TWSG1: variants seen among roughly 807,000 people sequenced by gnomAD.
TWSG1 encodes twisted gastrulation protein homolog 1.
TWSG1 carries 15 observed loss-of-function variants against 23.0 expected under a neutral mutation model. The observed-to-expected ratio is 0.65, with a 90% confidence interval of 0.44 to 1.00. The LOEUF is 1.00. Among genes scored for constraint, TWSG1 ranks in the 50% least tolerant of loss-of-function variants. The probability of loss-of-function intolerance (pLI) is 0.00; values close to 1 mark genes in which losing one functional copy is unlikely to be tolerated. For missense variants in TWSG1, 242 were observed against 278.7 expected, an observed-to-expected ratio of 0.87 and a Z score of 0.94; for synonymous variants, 86 against 92.8, an observed-to-expected ratio of 0.93 and a Z score of 0.42.
At chr18:9,379,238 A>G (rs186892984) in intron 3 of TWSG1, among the ~76,000 whole-genome samples, 64 of 152,340 alleles carry the variant, frequency 4.2e-4, no homozygotes, top group African/African-American at 1.5e-3. Context: ...AGCACTGTTC[A>G]CAATAGCAAA....
At chr18:9,343,851 A>G (rs567837925) in intron 2 of TWSG1, among the ~76,000 whole-genome samples, 5 of 152,322 alleles carry the variant, frequency 3.3e-5, no homozygotes, top group Admixed American at 3.3e-4. Flanking sequence ...ATGGTAGATA[A>G]TACTGCTATG....
chr18:9,384,521 G>A (rs1342169884), intron 3 of TWSG1, among the ~76,000 whole-genome samples: 1 of 152,030 alleles, frequency 6.6e-6, no homozygotes, highest in Non-Finnish European at 1.5e-5. Context: ...TAGGATGCCA[G>A]TAAAATGAAA....
intron 1 of TWSG1, among the ~76,000 whole-genome samples, chr18:9,335,524 G>A (rs2040418711): frequency 6.6e-6 from 1 of 152,204 alleles, no homozygotes; most frequent in Admixed American, 6.5e-5. Context: ...AACCGTAAAA[G>A]ATGGGAAAGG....
chr18:9,360,726 A>G (rs1451453325), intron 3 of TWSG1, among the ~76,000 whole-genome samples: 4 of 152,178 alleles, frequency 2.6e-5, no homozygotes, highest in Non-Finnish European at 5.9e-5. Context: ...CATCATATTG[A>G]TCTTTTTTAC....
In TWSG1 at chr18:9,383,414, G is replaced by A. The variant is rs181610999; in HGVS notation, c.224-12866G>A. On this transcript the variant is annotated intron_variant, in intron 3 of 4. Coordinates refer to ENST00000262120, the MANE Select transcript of TWSG1 (RefSeq NM_020648.6). ...TCACCATGTTGGCCAGGCTGGTCTC[G>A]AACTCCTGACCTTGTGATCCACCCA... Among the ~76,000 whole-genome samples, 42 of 152,064 alleles carry A rather than the reference G, an allele frequency of 2.8e-4. No homozygotes were observed. In the East Asian group the frequency reaches 2.9e-3, roughly 11 times the overall value.
At chr18:9,376,905 T>C (rs1473725329) in intron 3 of TWSG1, among the ~76,000 whole-genome samples, 1 of 152,110 alleles carries the variant, frequency 6.6e-6, no homozygotes, top group African/African-American at 2.4e-5. Context: ...ATTTTTTTCT[T>C]GTCATCATTC....
intron 2 of TWSG1, among the ~76,000 whole-genome samples, chr18:9,356,971 T>TAAAAAAAA (rs34315660): frequency 8.2e-6 from 1 of 122,340 alleles, no homozygotes; most frequent in African/African-American, 3.1e-5. Context: ...TTTATAAATC[T>TAAAAAAAA]AAAAAAAAAA....
chr18:9,371,193 A>G (rs1164857902), intron 3 of TWSG1, among the ~76,000 whole-genome samples: 1 of 152,124 alleles, frequency 6.6e-6, no homozygotes, highest in African/African-American at 2.4e-5. Flanking sequence ...TGCATTATGA[A>G]TATTTAGAAG....
intron 3 of TWSG1, among the ~76,000 whole-genome samples, chr18:9,377,905 G>C (rs11660308): frequency 0.091 from 13,790 of 152,112 alleles, 709 homozygotes; most frequent in African/African-American, 0.1. Context: ...TTTTTGTAGA[G>C]ATGGGGTTTT....
At position 9,396,488 on chromosome 18, in the gene TWSG1, C is replaced by T. The variant is rs532297028; in HGVS notation, c.432C>T (p.His144=). 8.3e-5 allele frequency: 134 copies of T among 1,614,122 alleles called. 1 individual carries two copies. In the South Asian group the frequency reaches 1.3e-3, roughly 16 times the overall value. The change falls in exon 4 of 5, where the codon CAC becomes CAT. Residue 144 remains histidine (H), a synonymous_variant. Transcript: ENST00000262120. ...VSFLETVNQP[H]HQNVSVPSNN... ...TTTTAGAAACTGTGAACCAGCCACA[C>T]CACCAGAATGTGTCTGTCCCCAGCA... is the stretch of plus-strand genomic sequence containing the variant.
At position 9,367,547 on chromosome 18, in the gene TWSG1, G is replaced by A. The variant is rs192304939; in HGVS notation, c.223+7476G>A. Among the ~76,000 whole-genome samples the A allele has an allele frequency of 4.0e-3, 604 of 152,228 alleles. 5 individuals are homozygous for A. The highest frequency in any genetic ancestry group is 0.013 in the African/African-American group (533 of 41,522). On this transcript the variant is annotated intron_variant, in intron 3 of 4. Transcript: ENST00000262120. ...CTGAGCCATGGACCAGTAGCAGTCC[G>A]CCGCCTCTTAGGAACCGGGCCACAT...
intron 3 of TWSG1, among the ~76,000 whole-genome samples, chr18:9,367,161 G>T (rs1366808035): frequency 6.6e-6 from 1 of 151,912 alleles, no homozygotes; most frequent in African/African-American, 2.4e-5. Context: ...TGAATTCCTG[G>T]ACACAAGTGA....
chr18:9,371,878 G>C (rs1024112874), intron 3 of TWSG1, among the ~76,000 whole-genome samples: 3 of 148,256 alleles, frequency 2.0e-5, no homozygotes, highest in African/African-American at 7.5e-5. Context: ...TGATTCTCCT[G>C]CCTCAGCCTC....
intron 2 of TWSG1, among the ~76,000 whole-genome samples, chr18:9,351,386 A>G (rs1176448150): frequency 6.6e-6 from 1 of 152,092 alleles, no homozygotes; most frequent in African/African-American, 2.4e-5. Context: ...TAACAATTTT[A>G]TGGTATATAC....
intron 3 of TWSG1, among the ~76,000 whole-genome samples, chr18:9,370,331 T>G (rs1598828804): frequency 6.8e-6 from 1 of 146,688 alleles, no homozygotes; most frequent in African/African-American, 2.5e-5. Context: ...AAAAAAAAAA[T>G]TATTGTCCAG....
intron 2 of TWSG1, among the ~76,000 whole-genome samples, chr18:9,338,904 A>C (rs1030964086): frequency 1.3e-5 from 2 of 152,206 alleles, no homozygotes; most frequent in African/African-American, 4.8e-5. Flanking sequence ...AAGTAATTAA[A>C]AATTGTACTT....
chr18:9,352,078 C>A (rs964813802), intron 2 of TWSG1, among the ~76,000 whole-genome samples: 1 of 152,092 alleles, frequency 6.6e-6, no homozygotes, highest in African/African-American at 2.4e-5. Flanking sequence ...TGTAGCTGGA[C>A]CTAGCTTTTT....
At chr18:9,367,190 C>T (rs1185384264) in intron 3 of TWSG1, among the ~76,000 whole-genome samples, 1 of 152,156 alleles carries the variant, frequency 6.6e-6, no homozygotes, top group Non-Finnish European at 1.5e-5. Context: ...CCTTGGCTTC[C>T]CAAAGTGCTG....
chr18:9,348,262 T>C (rs2040486401), intron 2 of TWSG1, among the ~76,000 whole-genome samples: 1 of 152,216 alleles, frequency 6.6e-6, no homozygotes, highest in Non-Finnish European at 1.5e-5. Context: ...GCCTAGTTCT[T>C]GTCTTTTTGG....
Sources: gnomAD v4.1 joint callset for allele counts (sites outside exome capture counted in the v4.1 genomes callset) on GRCh38, gnomAD v4.1.1 for gene constraint, MANE v1.5 for transcripts, NCBI Gene and HGNC (gene_info 2026-07-23, HGNC 2026-07-21) for gene names.